USP14: variants seen among roughly 807,000 people sequenced by gnomAD.
USP14 encodes the protein ubiquitin carboxyl-terminal hydrolase 14.
Under a neutral mutation model 76.5 loss-of-function variants are expected in USP14, and 38 were observed. The observed-to-expected ratio is 0.50, with a 90% CI of 0.38 to 0.65. The LOEUF is 0.65. USP14 is among the 30% of genes least tolerant of loss of function. The probability of loss-of-function intolerance (pLI) is 0.00; values close to 1 mark genes in which losing one functional copy is unlikely to be tolerated. For missense variants in USP14, 467 were observed against 586.5 expected (o/e 0.80, Z 2.10); for synonymous variants, 192 against 191.7 (o/e 1.00, Z -0.01).
rs548632917 is a variant in USP14 at position 203,776 on chromosome 18, A to G, written c.1035+586A>G. 2.0e-4 allele frequency among the ~76,000 whole-genome samples: 30 copies of G among 151,958 alleles called. No homozygotes were observed. The South Asian group carries it at 6.3e-3, about 32-fold the overall frequency. On this transcript the variant is annotated intron_variant, in intron 12 of 15. Transcript: ENST00000261601. ...AGGCGCCCGCCACCGTGCCCGGCTAATTTTTTTGTATTTTTAGTAGAGATG... is the reference window on the plus strand; with the variant it reads ...AGGCGCCCGCCACCGTGCCCGGCTAGTTTTTTTGTATTTTTAGTAGAGATG...
chr18:204,822 C>A (rs989892609), intron 13 of USP14, 130 bp downstream of exon 13: 16 of 582,060 alleles, frequency 2.7e-5, no homozygotes, highest in South Asian at 5.0e-5. Context: ...TTATTTGGAT[C>A]AATCTGTATT....
chr18:199,841 A>C (rs1910339267), intron 10 of USP14, among the ~76,000 whole-genome samples: 1 of 152,194 alleles, frequency 6.6e-6, no homozygotes, highest in Admixed American at 6.5e-5. Flanking sequence ...GGCTGGCGGG[A>C]ATCTAATCCT....
intron 6 of USP14, among the ~76,000 whole-genome samples, chr18:195,243 G>A (rs1042172609): frequency 2.0e-5 from 3 of 150,968 alleles, no homozygotes; most frequent in Non-Finnish European, 4.4e-5. Context: ...TTAAAATGTA[G>A]GCTTTTATTT....
At chr18:192,156 T>TACAGATGAGCAAACTGACCTACAACC (rs1214963317) in intron 5 of USP14, among the ~76,000 whole-genome samples, 8 of 152,330 alleles carry the variant, frequency 5.3e-5, no homozygotes, top group East Asian at 3.9e-4. Context: ...GGTGTATGAT[T>TACAGATGAGCAAACTGACCTACAACC]TTTGATTGAA....
chr18:180,851 A>T (rs3132798), intron 5 of USP14, among the ~76,000 whole-genome samples: 168 of 118,482 alleles, frequency 1.4e-3, no homozygotes, highest in Non-Finnish European at 2.0e-3. Flanking sequence ...ATAGTATTTC[A>T]TGGTTCATTC....
In USP14 at chr18:210,395, C is replaced by A; in HGVS notation, c.1235C>A (p.Ser412Tyr). ...TTACATCTTTCTTTAGATATTGGCT[C>A]CAATAATTGTGGATACTATGACTTA... ...EPFSFADDIG[S>Y]NNCGYYDLQA... The change falls in exon 15 of 16, where the codon TCC (serine) becomes TAC (tyrosine). Residue 412 changes from serine to tyrosine, a missense_variant. Transcript: ENST00000261601. The A allele has an allele frequency of 6.2e-7, 1 of 1,600,880 alleles. No individual in the cohort carries two copies. Among genetic ancestry groups the A allele is most frequent in the South Asian group, 1.1e-5 (1 of 87,794 alleles).
At chr18:181,823 T>G (rs139435118) in intron 5 of USP14, among the ~76,000 whole-genome samples, 44 of 152,316 alleles carry the variant, frequency 2.9e-4, no homozygotes, top group African/African-American at 9.4e-4. Context: ...TACAAAGACT[T>G]ACTTCTTTGT....
chr18:167,846 C>G (rs1909317660), intron 3 of USP14, among the ~76,000 whole-genome samples: 1 of 151,352 alleles, frequency 6.6e-6, no homozygotes, highest in Non-Finnish European at 1.5e-5. Flanking sequence ...ATTATTGGAA[C>G]TTAACATTTG....
At chr18:181,440 C>G (rs1909787064) in intron 5 of USP14, among the ~76,000 whole-genome samples, 1 of 152,048 alleles carries the variant, frequency 6.6e-6, no homozygotes, top group Non-Finnish European at 1.5e-5. Context: ...TGTTGGGCAT[C>G]TTTTCATGTG....
At position 214,258 on chromosome 18, in the gene USP14, G is replaced by GTGTT. The variant is rs758425480; in HGVS notation, c.*2975_*2978dup. ...CAGAGCAGTCATATGGTTTCAGAAA[G>GTGTT]TGTTATTCTGGGATTTCAGGATAAA... On this transcript the variant is annotated 3_prime_UTR_variant, in exon 16 of 16. Coordinates refer to ENST00000261601, the MANE Select transcript of USP14 (RefSeq NM_005151.4). 13 of 195,168 alleles carry GTGTT rather than the reference G, an allele frequency of 6.7e-5. No individual in the cohort carries two copies. Among genetic ancestry groups the GTGTT allele is most frequent in the African/African-American group, 2.4e-4 (10 of 41,908 alleles). The allele number at this position is 195,168 out of a possible 1,614,324, so 12.1% of individuals were successfully genotyped here. A position where few individuals can be genotyped will look rare whatever the true frequency, so the allele number is the denominator to read the frequency against.
intron 2 of USP14, among the ~76,000 whole-genome samples, chr18:166,003 T>A (rs1160474768): frequency 1.0e-5 from 1 of 100,302 alleles, no homozygotes; most frequent in Non-Finnish European, 2.4e-5. Flanking sequence ...ATCATGCATT[T>A]AAAAAAAAAA....
intron 5 of USP14, among the ~76,000 whole-genome samples, chr18:184,443 G>C (rs1392352385): frequency 6.6e-6 from 1 of 152,180 alleles, no homozygotes; most frequent in Non-Finnish European, 1.5e-5. Flanking sequence ...ACTTGTCTTT[G>C]GCAGGTTCTA....
At chr18:173,313 A>G (rs144742342) in intron 3 of USP14, among the ~76,000 whole-genome samples, 4,881 of 151,406 alleles carry the variant, frequency 0.032, 242 homozygotes, top group African/African-American at 0.098. Flanking sequence ...GGGTTTCACC[A>G]TGTTAGCCAG....
chr18:172,927 A>G (rs1163748295), intron 3 of USP14, among the ~76,000 whole-genome samples: 1 of 152,028 alleles, frequency 6.6e-6, no homozygotes, highest in South Asian at 2.1e-4. Context: ...GTTTTAATCT[A>G]TGTAATACTC....
intron 3 of USP14, among the ~76,000 whole-genome samples, chr18:171,264 G>A (rs1178632745): frequency 3.3e-5 from 5 of 151,870 alleles, no homozygotes; most frequent in Non-Finnish European, 1.5e-5. Context: ...AAAAGATGCT[G>A]TCTAAGCCTT....
At chr18:187,857 A>G (rs1909975302) in intron 5 of USP14, among the ~76,000 whole-genome samples, 1 of 152,202 alleles carries the variant, frequency 6.6e-6, no homozygotes, top group Non-Finnish European at 1.5e-5. Context: ...TTTACCCTGA[A>G]AACACATTTT....
At chr18:158,847 G>T (rs1909030525) in intron 1 of USP14, 133 bp downstream of exon 1, 2 of 1,240,444 alleles carry the variant, frequency 1.6e-6, no homozygotes, top group Non-Finnish European at 2.0e-6. Flanking sequence ...CCGGCGGCGC[G>T]GAGATGACCC....
Position 196,645 on chromosome 18 carries a change from G to A in USP14, c.472G>A (p.Asp158Asn). The change falls in exon 7 of 16, where the codon GAT (aspartate) becomes AAT (asparagine). Residue 158 changes from aspartate (D) to asparagine (N), a missense_variant. By Grantham distance (23) the Asp-to-Asn change is conservative. Transcript: ENST00000261601. ...SAQYITAALR[D>N]LFDSMDKTSS... Reference sequence around the variant, plus strand: ...TTTGCTTTGTCTTTAAGCCCTTAGAGATTTGTTTGATTCCATGGATAAAAC... The same window carrying A: ...TTTGCTTTGTCTTTAAGCCCTTAGAAATTTGTTTGATTCCATGGATAAAAC... 6.2e-7 allele frequency: 1 copy of A among 1,613,708 alleles called. No individual in the cohort carries two copies. Among genetic ancestry groups the A allele is most frequent in the Non-Finnish European group, 8.5e-7 (1 of 1,179,850 alleles).
chr18:180,697 T>C (rs550321297), intron 5 of USP14, among the ~76,000 whole-genome samples: 11 of 152,378 alleles, frequency 7.2e-5, no homozygotes, highest in African/African-American at 2.6e-4. Context: ...TTTTTGCGGC[T>C]AACTTCTTTC....
Sources: allele counts gnomAD v4.1 joint callset (sites outside exome capture counted in the v4.1 genomes callset), GRCh38; gene constraint gnomAD v4.1.1; transcripts MANE v1.5; gene names NCBI Gene and HGNC (gene_info 2026-07-23, HGNC 2026-07-21).